Variants in IMMP2L observed in about 807,000 individuals in gnomAD.
IMMP2L encodes inner mitochondrial membrane peptidase subunit 2, also known as mitochondrial inner membrane protease subunit 2.
A neutral mutation model predicts 19.3 loss-of-function variants in IMMP2L; 18 were observed. The ratio of observed to expected loss-of-function variants is 0.93; its 90% CI spans 0.64 to 1.38. The LOEUF is 1.38. Ranked by LOEUF, IMMP2L falls within the 40% of genes most tolerant of loss-of-function variation. The pLI, the probability that IMMP2L is intolerant of heterozygous loss-of-function variation, is 0.00. For missense variants in IMMP2L, 233 were observed against 218.2 expected (o/e 1.07, Z -0.43); for synonymous variants, 76 against 73.0 (o/e 1.04, Z -0.21).
intron 5 of IMMP2L, among the ~76,000 whole-genome samples, chr7:110,816,607 C>G (rs1368000731): frequency 1.3e-5 from 2 of 151,344 alleles, no homozygotes; most frequent in Admixed American, 6.6e-5. Context: ...GTCTAAGTCT[C>G]TTTGTAGGTC....
intron 3 of IMMP2L, among the ~76,000 whole-genome samples, chr7:111,229,317 T>C (rs938430984): frequency 4.0e-5 from 6 of 151,886 alleles, no homozygotes; most frequent in African/African-American, 1.5e-4. Flanking sequence ...AAACAGAAAC[T>C]TAGGATAGTA....
intron 5 of IMMP2L, among the ~76,000 whole-genome samples, chr7:110,796,675 T>C (rs1196144766): frequency 1.3e-5 from 2 of 152,014 alleles, no homozygotes; most frequent in African/African-American, 2.4e-5. Context: ...TTAAGCTAGA[T>C]AAGGAAGAAC....
intron 3 of IMMP2L, chr7:111,390,687 G>A (rs1012227147): frequency 6.6e-6 from 1 of 152,090 alleles, no homozygotes; most frequent in African/African-American, 2.4e-5. Context: ...AGCTCCTGCT[G>A]CTTGTTCCTG....
intron 3 of IMMP2L, among the ~76,000 whole-genome samples, chr7:111,066,009 G>A (rs1387375585): frequency 2.3e-5 from 3 of 128,036 alleles, no homozygotes; most frequent in African/African-American, 8.9e-5. Context: ...TTTTTTTTGA[G>A]ATGAAGTCTC....
At chr7:111,079,761 G>A (rs1179567033) in intron 3 of IMMP2L, among the ~76,000 whole-genome samples, 1 of 152,184 alleles carries the variant, frequency 6.6e-6, no homozygotes, top group African/African-American at 2.4e-5. Context: ...CAAACTTCAT[G>A]TGTTGAAAGC....
chr7:111,184,247 A>C (rs1808029688), intron 3 of IMMP2L, among the ~76,000 whole-genome samples: 1 of 152,014 alleles, frequency 6.6e-6, no homozygotes, highest in African/African-American at 2.4e-5. Context: ...AAAATAATGG[A>C]AATGAGTCAA....
chr7:111,002,233 A>C (rs1823788124), intron 3 of IMMP2L, among the ~76,000 whole-genome samples: 1 of 152,146 alleles, frequency 6.6e-6, no homozygotes, highest in Admixed American at 6.6e-5. Flanking sequence ...AAATTACCCT[A>C]AGGTAATAGA....
intron 5 of IMMP2L, among the ~76,000 whole-genome samples, chr7:110,747,781 C>T (rs1442030870): frequency 6.6e-6 from 1 of 152,164 alleles, no homozygotes; most frequent in Non-Finnish European, 1.5e-5. Flanking sequence ...GACAAACTGA[C>T]AGCCAATATC....
At chr7:110,755,351 A>G (rs1797976540) in intron 5 of IMMP2L, among the ~76,000 whole-genome samples, 1 of 152,122 alleles carries the variant, frequency 6.6e-6, no homozygotes, top group Non-Finnish European at 1.5e-5. Flanking sequence ...TAATTTCTAG[A>G]CAAAAATAGA....
Position 111,290,169 on chromosome 7 carries a change from T to G in IMMP2L, c.239+197069A>C, listed in dbSNP as rs1401657999. Reference sequence around the variant, plus strand: ...AGTCCACATCATTCTTAATTTTGTTTTATAAGAGTTTTTCTTCAAATACAA... The same window carrying G: ...AGTCCACATCATTCTTAATTTTGTTGTATAAGAGTTTTTCTTCAAATACAA... On this transcript the variant is annotated intron_variant, in intron 3 of 5. Transcript: ENST00000405709. Among the ~76,000 whole-genome samples the G allele has an allele frequency of 3.9e-5, 6 of 152,260 alleles. No individual in the cohort carries two copies. The East Asian group carries it at 1.2e-3, about 29-fold the overall frequency.
chr7:111,302,305 T>C (rs1204710181), intron 3 of IMMP2L, among the ~76,000 whole-genome samples: 2 of 152,136 alleles, frequency 1.3e-5, no homozygotes, highest in African/African-American at 4.8e-5. Context: ...TATTTACCTG[T>C]TGTATTGTCT....
intron 3 of IMMP2L, among the ~76,000 whole-genome samples, chr7:111,467,535 T>C (rs1425277442): frequency 2.0e-5 from 3 of 152,196 alleles, no homozygotes; most frequent in Non-Finnish European, 2.9e-5. Context: ...GGCTGGTATG[T>C]ATATTGAAAA....
rs1791183330 is a variant in IMMP2L, at chr7:110,662,868, G to A, written c.*734C>T. Among the ~76,000 whole-genome samples the A allele has an allele frequency of 6.6e-6, 1 of 152,202 alleles. No homozygotes were observed. Among genetic ancestry groups the A allele is most frequent in the Admixed American group, 6.5e-5 (1 of 15,288 alleles). ...CGGATAAAGGGGTTTACCCATCATT[G>A]TGAATAGGCATGAGATCACTCAGAA... On this transcript the variant is annotated 3_prime_UTR_variant, in exon 6 of 6. Coordinates refer to ENST00000405709, the MANE Select transcript of IMMP2L (RefSeq NM_032549.4).
intron 2 of IMMP2L, among the ~76,000 whole-genome samples, chr7:111,502,151 A>G (rs1451154556): frequency 6.6e-6 from 1 of 152,152 alleles, no homozygotes; most frequent in Non-Finnish European, 1.5e-5. Flanking sequence ...GAAAACAAAA[A>G]AAGGCAGGGA....
chr7:110,899,419 A>C (rs1344733653), intron 4 of IMMP2L, among the ~76,000 whole-genome samples: 1 of 152,210 alleles, frequency 6.6e-6, no homozygotes, highest in Non-Finnish European at 1.5e-5. Context: ...ATAGTACTAC[A>C]GAAAGAGAAT....
chr7:111,113,565 A>G (rs535747664), intron 3 of IMMP2L, among the ~76,000 whole-genome samples: 104 of 152,258 alleles, frequency 6.8e-4, no homozygotes, highest in Admixed American at 4.4e-3. Context: ...GACAGTCTTC[A>G]TGTGACATAA....
At chr7:110,948,848 A>G (rs1440107704) in intron 4 of IMMP2L, among the ~76,000 whole-genome samples, 1 of 152,152 alleles carries the variant, frequency 6.6e-6, no homozygotes, top group Non-Finnish European at 1.5e-5. Context: ...CTCAACGTGG[A>G]CGGGCATCAT....
intron 3 of IMMP2L, among the ~76,000 whole-genome samples, chr7:111,382,126 G>A (rs1369509807): frequency 6.6e-6 from 1 of 151,824 alleles, no homozygotes; most frequent in Non-Finnish European, 1.5e-5. Context: ...GAGTGATAAG[G>A]TCAAGGGTCC....
chr7:111,445,816 G>C (rs1270316179), intron 3 of IMMP2L, among the ~76,000 whole-genome samples: 1 of 152,158 alleles, frequency 6.6e-6, no homozygotes, highest in Non-Finnish European at 1.5e-5. Context: ...TCACTAGGGA[G>C]TGCCAGACAG....
Sources: allele counts gnomAD v4.1 joint callset (sites outside exome capture counted in the v4.1 genomes callset), GRCh38; gene constraint gnomAD v4.1.1; transcripts MANE v1.5; gene names NCBI Gene and HGNC (gene_info 2026-07-23, HGNC 2026-07-21).